The following CADM2 variants were observed in gnomAD, a reference collection of about 807,000 sequenced individuals.
The protein encoded by CADM2 is cell adhesion molecule 2, also known as immunoglobulin superfamily member 4D.
CADM2 carries 12 observed loss-of-function variants against 49.8 expected under a neutral mutation model. That is an observed-to-expected ratio of 0.24 (90% CI 0.15 to 0.39). The LOEUF (loss-of-function observed/expected upper bound fraction) is 0.39, where lower values mean the gene tolerates loss of function less well. Ranked by LOEUF, CADM2 falls within the 10% of genes least tolerant of loss-of-function variation. CADM2 has a pLI of 1.00. For synonymous variants in CADM2, 214 were observed against 175.4 expected, an observed-to-expected ratio of 1.22 and a Z score of -1.74; for missense variants, 378 against 492.3, an observed-to-expected ratio of 0.77 and a Z score of 2.20.
intron 5 of CADM2, among the ~76,000 whole-genome samples, chr3:85,899,896 G>A (rs75553790): frequency 4.3e-3 from 654 of 152,094 alleles, no homozygotes; most frequent in African/African-American, 0.014. Context: ...GTTCTTAAGC[G>A]AATACTGGGG....
rs188843635 is a variant in CADM2, at chr3:85,632,099, G to C, written c.62-94423G>C. On this transcript the variant is annotated intron_variant, in intron 1 of 9. Coordinates refer to ENST00000383699, the MANE Select transcript of CADM2 (RefSeq NM_001167675.2). ...GTAGCTCCCATGATTCTCATGTGTG[G>C]TGGGAGGGGCCTGGTGGGAGATGAT... 1.3e-3 allele frequency among the ~76,000 whole-genome samples: 204 copies of C among 152,208 alleles called. 1 individual carries two copies. Among genetic ancestry groups the C allele is most frequent in the African/African-American group, 4.7e-3 (195 of 41,544 alleles).
chr3:85,453,295 T>A (rs1576583652), intron 1 of CADM2, among the ~76,000 whole-genome samples: 1 of 152,176 alleles, frequency 6.6e-6, no homozygotes, highest in Admixed American at 6.5e-5. Context: ...TTGAAAAAAA[T>A]TTACACTTCT....
intron 1 of CADM2, among the ~76,000 whole-genome samples, chr3:85,287,044 A>T (rs569454661): frequency 1.3e-5 from 2 of 152,242 alleles, no homozygotes; most frequent in East Asian, 3.9e-4. Flanking sequence ...ATTTTTTATT[A>T]TTTACATCTT....
At chr3:86,052,204 G>A (rs1737424243) in intron 8 of CADM2, among the ~76,000 whole-genome samples, 1 of 152,048 alleles carries the variant, frequency 6.6e-6, no homozygotes, top group African/African-American at 2.4e-5. Flanking sequence ...TTTAGGTTAT[G>A]TATTTAATGA....
At chr3:85,684,852 G>A (rs1310134892) in intron 1 of CADM2, among the ~76,000 whole-genome samples, 1 of 152,148 alleles carries the variant, frequency 6.6e-6, no homozygotes, top group African/African-American at 2.4e-5. Flanking sequence ...GAATTATGGG[G>A]CTACAATTCA....
At position 85,528,096 on chromosome 3, in the gene CADM2, C is replaced by G. The variant is rs138589964; in HGVS notation, c.62-198426C>G. 1.5e-3 allele frequency among the ~76,000 whole-genome samples: 226 copies of G among 152,288 alleles called. 6 individuals are homozygous for G. In the East Asian group the frequency reaches 0.039, roughly 26 times the overall value. ...TCTCGCAAGCACAGAAATCACCTTT[C>G]AAGTTTATACATTTTCCCACTAACC... On this transcript the variant is annotated intron_variant, in intron 1 of 9. Transcript: ENST00000383699.
intron 1 of CADM2, among the ~76,000 whole-genome samples, chr3:85,599,100 T>C (rs571626261): frequency 4.6e-5 from 7 of 151,896 alleles, no homozygotes; most frequent in Admixed American, 2.0e-4. Context: ...CATGAAGAAA[T>C]TGACCTTTCT....
chr3:85,568,453 T>TTCTCTTTCTCTC (rs1559915924), intron 1 of CADM2, among the ~76,000 whole-genome samples: 76 of 27,450 alleles, frequency 2.8e-3, no homozygotes, highest in Non-Finnish European at 4.0e-3. Flanking sequence ...CTTTCTTTCT[T>TTCTCTTTCTCTC]TCTTTCTTTC....
intron 1 of CADM2, among the ~76,000 whole-genome samples, chr3:85,262,016 A>G (rs964675402): frequency 5.3e-5 from 8 of 152,068 alleles, no homozygotes; most frequent in Non-Finnish European, 8.8e-5. Flanking sequence ...TATGACAGAA[A>G]TTTCATTTAT....
intron 1 of CADM2, among the ~76,000 whole-genome samples, chr3:85,011,552 G>A (rs1392300463): frequency 6.6e-6 from 1 of 152,130 alleles, no homozygotes; most frequent in Non-Finnish European, 1.5e-5. Flanking sequence ...AAGATATGCA[G>A]AAAAGAAAAC....
At chr3:84,961,316 C>T (rs2030487394) in intron 1 of CADM2, among the ~76,000 whole-genome samples, 1 of 152,084 alleles carries the variant, frequency 6.6e-6, no homozygotes, top group African/African-American at 2.4e-5. Flanking sequence ...CAGAATTTTC[C>T]TGAATTAACT....
chr3:85,575,722 G>A (rs1333305538), intron 1 of CADM2, among the ~76,000 whole-genome samples: 4 of 152,176 alleles, frequency 2.6e-5, no homozygotes, highest in Non-Finnish European at 5.9e-5. Flanking sequence ...GTTTTGAGAT[G>A]ACACTTGCAT....
chr3:85,891,754 G>A (rs1714462479), intron 5 of CADM2, among the ~76,000 whole-genome samples: 1 of 152,176 alleles, frequency 6.6e-6, no homozygotes, highest in Non-Finnish European at 1.5e-5. Context: ...GTGAGAACAT[G>A]GGGACATCAG....
chr3:85,243,175 T>C (rs962364878), intron 1 of CADM2, among the ~76,000 whole-genome samples: 5 of 151,894 alleles, frequency 3.3e-5, no homozygotes, highest in South Asian at 2.1e-4. Context: ...TCTTTTTTTA[T>C]AGAACATATT....
intron 3 of CADM2, among the ~76,000 whole-genome samples, chr3:85,863,655 A>T (rs2075620083): frequency 6.6e-6 from 1 of 152,186 alleles, no homozygotes; most frequent in South Asian, 2.1e-4. Context: ...ACCATGAGCC[A>T]AATACATCAT....
Position 85,513,469 on chromosome 3 carries a change from C to T in CADM2, c.62-213053C>T, listed in dbSNP as rs1576691246. ...TACATTATGCCACATCTCTGGGGTC[C>T]TTTGTAGTAGATGATCTAATAAAAC... On this transcript the variant is annotated intron_variant, in intron 1 of 9. Transcript: ENST00000383699. Among the ~76,000 whole-genome samples the T allele has an allele frequency of 5.3e-5, 8 of 151,548 alleles. No homozygotes were observed. The East Asian group carries it at 1.5e-3, about 29-fold the overall frequency.
intron 1 of CADM2, among the ~76,000 whole-genome samples, chr3:85,003,820 G>C (rs1242696993): frequency 1.3e-5 from 2 of 152,046 alleles, no homozygotes; most frequent in Non-Finnish European, 2.9e-5. Context: ...GGAAATTTAT[G>C]TATTTACAAT....
At chr3:86,052,514 A>G (rs188988009) in intron 8 of CADM2, among the ~76,000 whole-genome samples, 8 of 152,264 alleles carry the variant, frequency 5.3e-5, no homozygotes, top group Admixed American at 2.0e-4. Context: ...GTTCTGTGCA[A>G]TAATTGTTAA....
intron 1 of CADM2, among the ~76,000 whole-genome samples, chr3:85,126,781 A>G (rs1297945220): frequency 6.6e-6 from 1 of 152,036 alleles, no homozygotes; most frequent in Non-Finnish European, 1.5e-5. Context: ...GATTGATATC[A>G]TTTTTACTTA....
Sources: gnomAD v4.1 joint callset for allele counts (sites outside exome capture counted in the v4.1 genomes callset) on GRCh38, gnomAD v4.1.1 for gene constraint, MANE v1.5 for transcripts, NCBI Gene and HGNC (gene_info 2026-07-23, HGNC 2026-07-21) for gene names.